TMEM108: variants seen among roughly 807,000 people sequenced by gnomAD.
TMEM108 encodes the protein cancer/testis antigen 124.
Under a neutral mutation model 35.1 loss-of-function variants are expected in TMEM108, and 12 were observed. That is an observed-to-expected ratio of 0.34 (90% CI 0.22 to 0.55). The LOEUF is 0.55. Among genes scored for constraint, TMEM108 ranks in the 20% least tolerant of loss-of-function variants. The pLI, the probability that TMEM108 is intolerant of heterozygous loss-of-function variation, is 0.89. For synonymous variants in TMEM108, 287 were observed against 308.6 expected, an observed-to-expected ratio of 0.93 and a Z score of 0.73; for missense variants, 680 against 753.3, an observed-to-expected ratio of 0.90 and a Z score of 1.14.
At chr3:133,218,759 T>A (rs943748152) in intron 2 of TMEM108, among the ~76,000 whole-genome samples, 8 of 152,118 alleles carry the variant, frequency 5.3e-5, no homozygotes, top group African/African-American at 1.9e-4. Context: ...ATCCTTTTGA[T>A]GTGCTGTTGA....
intron 3 of TMEM108, among the ~76,000 whole-genome samples, chr3:133,267,764 A>G (rs1322277795): frequency 3.3e-5 from 5 of 152,236 alleles, no homozygotes; most frequent in Admixed American, 3.3e-4. Context: ...TGCAATGGAC[A>G]GGAGCCCTCC....
At chr3:133,192,108 G>C (rs2107815319) in intron 2 of TMEM108, among the ~76,000 whole-genome samples, 1 of 152,262 alleles carries the variant, frequency 6.6e-6, no homozygotes, top group African/African-American at 2.4e-5. Flanking sequence ...AGCTCTGACA[G>C]CTTGAAGAAC....
At position 133,173,666 on chromosome 3, in the gene TMEM108, C is replaced by A. The variant is rs546526250; in HGVS notation, c.-46-55600C>A. Reference sequence around the variant, plus strand: ...GCAAAATGGTCTCCAAAGTTAATGACCATATAGCTTTAGAAGTGACCCTAA... The same window carrying A: ...GCAAAATGGTCTCCAAAGTTAATGAACATATAGCTTTAGAAGTGACCCTAA... On this transcript the variant is annotated intron_variant, in intron 2 of 5. Coordinates refer to ENST00000321871, the MANE Select transcript of TMEM108 (RefSeq NM_023943.4). Among the ~76,000 whole-genome samples, 3 of 152,224 alleles carry A rather than the reference C, an allele frequency of 2.0e-5. No individual in the cohort carries two copies. In the South Asian group the frequency reaches 6.2e-4, roughly 32 times the overall value.
intron 3 of TMEM108, among the ~76,000 whole-genome samples, chr3:133,358,252 A>G (rs970012748): frequency 2.6e-5 from 4 of 151,486 alleles, no homozygotes; most frequent in African/African-American, 9.7e-5. Flanking sequence ...ACTCACTGCA[A>G]CCTCTGCCTC....
In TMEM108 at chr3:133,165,370, C is replaced by A. The variant is rs575962315; in HGVS notation, c.-46-63896C>A. Among the ~76,000 whole-genome samples, 613 of 152,134 alleles carry A rather than the reference C, an allele frequency of 4.0e-3. 13 individuals are homozygous for A. The highest frequency in any genetic ancestry group is 0.014 in the Admixed American group (212 of 15,284). On this transcript the variant is annotated intron_variant, in intron 2 of 5. Transcript: ENST00000321871. ...TAGGCCTGGGCAGACTTAAATGCACCACACATTGGATGATTCGAAGTGACA... is the reference window on the plus strand; with the variant it reads ...TAGGCCTGGGCAGACTTAAATGCACAACACATTGGATGATTCGAAGTGACA...
intron 3 of TMEM108, among the ~76,000 whole-genome samples, chr3:133,322,573 G>C (rs12152408): frequency 0.32 from 48,797 of 152,040 alleles, 8,564 homozygotes; most frequent in East Asian, 0.48. Context: ...CGGATTCACA[G>C]CTGAATTCCA....
intron 2 of TMEM108, among the ~76,000 whole-genome samples, chr3:133,135,754 C>T (rs945119000): frequency 2.0e-5 from 3 of 152,144 alleles, no homozygotes; most frequent in African/African-American, 7.2e-5. Flanking sequence ...GCGGTAAAAT[C>T]TTAACAGATT....
intron 3 of TMEM108, among the ~76,000 whole-genome samples, chr3:133,243,927 C>G (rs1946349109): frequency 6.6e-6 from 1 of 151,998 alleles, no homozygotes; most frequent in African/African-American, 2.4e-5. Context: ...GAAGGTTTCC[C>G]AGGAATAACT....
chr3:133,381,485 G>T (rs2073011789), intron 4 of TMEM108, among the ~76,000 whole-genome samples: 1 of 152,216 alleles, frequency 6.6e-6, no homozygotes, highest in East Asian at 1.9e-4. Context: ...CCCAGAATTA[G>T]TGAGAGGCAG....
chr3:133,183,290 A>G (rs1421790986), intron 2 of TMEM108, among the ~76,000 whole-genome samples: 2 of 152,176 alleles, frequency 1.3e-5, no homozygotes, highest in African/African-American at 4.8e-5. Context: ...AAACCAATAC[A>G]TTTCCCTCTT....
intron 2 of TMEM108, among the ~76,000 whole-genome samples, chr3:133,222,063 C>T (rs1946000302): frequency 1.3e-5 from 2 of 152,156 alleles, no homozygotes; most frequent in African/African-American, 4.8e-5. Flanking sequence ...GTTCTTTTAG[C>T]TCAGAGAACT....
intron 2 of TMEM108, among the ~76,000 whole-genome samples, chr3:133,151,565 A>G (rs941363011): frequency 2.0e-5 from 3 of 152,152 alleles, no homozygotes; most frequent in Admixed American, 6.6e-5. Context: ...TCTTCTTCTT[A>G]GAAGAGGAGG....
intron 3 of TMEM108, among the ~76,000 whole-genome samples, chr3:133,259,917 G>T (rs1946600742): frequency 6.6e-6 from 1 of 152,182 alleles, no homozygotes; most frequent in South Asian, 2.1e-4. Flanking sequence ...AGGCTCTTCA[G>T]AGTCCAGATA....
At chr3:133,167,869 G>T (rs1057260559) in intron 2 of TMEM108, among the ~76,000 whole-genome samples, 1 of 152,182 alleles carries the variant, frequency 6.6e-6, no homozygotes, top group Non-Finnish European at 1.5e-5. Context: ...GGCTCCTCAA[G>T]TGTGGCCAGA....
intron 3 of TMEM108, among the ~76,000 whole-genome samples, chr3:133,320,281 A>G (rs1276038777): frequency 6.6e-6 from 1 of 152,146 alleles, no homozygotes; most frequent in Non-Finnish European, 1.5e-5. Flanking sequence ...TAAAAAATAT[A>G]TACAGGATAT....
At chr3:133,244,582 A>G (rs1032685894) in intron 3 of TMEM108, among the ~76,000 whole-genome samples, 5 of 152,240 alleles carry the variant, frequency 3.3e-5, no homozygotes, top group African/African-American at 1.2e-4. Flanking sequence ...AATCATAATG[A>G]TAAATGAGTA....
intron 3 of TMEM108, among the ~76,000 whole-genome samples, chr3:133,252,138 A>G (rs1351129529): frequency 6.6e-6 from 1 of 152,166 alleles, no homozygotes; most frequent in Non-Finnish European, 1.5e-5. Flanking sequence ...TCAAGGTTTG[A>G]TAGACTCATG....
chr3:133,215,002 G>A (rs1945886186), intron 2 of TMEM108, among the ~76,000 whole-genome samples: 1 of 152,066 alleles, frequency 6.6e-6, no homozygotes, highest in Non-Finnish European at 1.5e-5. Flanking sequence ...AAGGTTGGGG[G>A]CTGCTATTGT....
intron 2 of TMEM108, among the ~76,000 whole-genome samples, chr3:133,066,561 T>A (rs1053754353): frequency 2.0e-5 from 3 of 152,116 alleles, no homozygotes; most frequent in African/African-American, 7.2e-5. Context: ...TAGAAACCAT[T>A]TAAAAAGGAC....
Sources: gnomAD v4.1 joint callset for allele counts (sites outside exome capture counted in the v4.1 genomes callset) on GRCh38, gnomAD v4.1.1 for gene constraint, MANE v1.5 for transcripts, NCBI Gene and HGNC (gene_info 2026-07-23, HGNC 2026-07-21) for gene names.